The following ADARB1 variants were observed in gnomAD, a reference collection of about 807,000 sequenced individuals.
ADARB1 encodes the protein adenosine deaminase RNA specific B1.
In ADARB1, 10 loss-of-function variants were observed where a neutral mutation model predicts 52.4. The ratio of observed to expected loss-of-function variants is 0.19; its 90% CI spans 0.12 to 0.32. ADARB1 has a LOEUF of 0.32. ADARB1 is among the 10% of genes least tolerant of loss of function. The probability of loss-of-function intolerance (pLI) is 1.00; values close to 1 mark genes in which losing one functional copy is unlikely to be tolerated. For synonymous variants in ADARB1, 349 were observed against 371.1 expected (o/e 0.94, Z 0.68); for missense variants, 643 against 922.3 (o/e 0.70, Z 3.92).
intron 8 of ADARB1, among the ~76,000 whole-genome samples, chr21:45,203,270 C>G (rs972278089): frequency 5.3e-5 from 8 of 152,202 alleles, no homozygotes; most frequent in Non-Finnish European, 1.2e-4. Flanking sequence ...ACATGCGTTC[C>G]TCCCTCAGCC....
At position 45,180,399 on chromosome 21, in the gene ADARB1, C is replaced by T. The variant is rs2091888122; in HGVS notation, c.1033C>T (p.Pro345Ser). The change falls in exon 5 of 11, where the codon CCT becomes TCT. Residue 345 changes from proline (P) to serine (S), a missense_variant. Transcript: ENST00000348831. ...TGACCTGACCGACAACTTCTCCTCC[C>T]CTCACGCTCGCAGAAAAGTGCTGGC... ...FGDLTDNFSS[P>S]HARRKVLAGV... 1.2e-6 allele frequency: 2 copies of T among 1,614,176 alleles called. No homozygotes were observed. The highest frequency in any genetic ancestry group is 1.1e-5 in the South Asian group (1 of 91,074).
chr21:45,166,165 C>T (rs2091247265), intron 2 of ADARB1, among the ~76,000 whole-genome samples: 1 of 152,092 alleles, frequency 6.6e-6, no homozygotes, highest in Non-Finnish European at 1.5e-5. Flanking sequence ...GGTAGGTATG[C>T]TCATTGTCCA....
At position 45,145,665 on chromosome 21, in the gene ADARB1, A is replaced by G. The variant is rs1482140529; in HGVS notation, c.-48+17092A>G. The G allele has an allele frequency of 3.3e-5, 5 of 152,242 alleles. No individual in the cohort carries two copies. The East Asian group carries it at 7.7e-4, about 23-fold the overall frequency. 9.4% of individuals were successfully genotyped at this position (152,242 alleles called of 1,614,324 possible). On this transcript the variant is annotated intron_variant, in intron 2 of 10. Coordinates refer to ENST00000348831, the MANE Select transcript of ADARB1 (RefSeq NM_001112.4). ...AGGACTGGATGCCTAACTGCCACAT[A>G]CAGAATGTGAGAAAGCACAGAACAA...
intron 1 of ADARB1, among the ~76,000 whole-genome samples, chr21:45,086,279 T>C (rs1457967398): frequency 6.6e-6 from 1 of 152,212 alleles, no homozygotes; most frequent in African/African-American, 2.4e-5. Flanking sequence ...CTTTTTAGAA[T>C]GCTCTGGGAA....
chr21:45,133,269 T>C (rs543550416), intron 2 of ADARB1, among the ~76,000 whole-genome samples: 1 of 152,396 alleles, frequency 6.6e-6, no homozygotes, highest in Non-Finnish European at 1.5e-5. Context: ...GCTCAGTTCC[T>C]TGTGACCATA....
At chr21:45,197,659 A>G (rs1367068567) in intron 8 of ADARB1, among the ~76,000 whole-genome samples, 2 of 152,144 alleles carry the variant, frequency 1.3e-5, no homozygotes, top group African/African-American at 4.8e-5. Flanking sequence ...CAAAAACTGG[A>G]AGCAATCCAC....
intron 1 of ADARB1, among the ~76,000 whole-genome samples, chr21:45,083,584 CT>C (rs1309771282): frequency 6.6e-6 from 1 of 152,178 alleles, no homozygotes; most frequent in African/African-American, 2.4e-5. Flanking sequence ...ATAACTACAT[CT>C]TGACAGAAAC....
chr21:45,172,921 T>C lies in ADARB1; in HGVS notation c.28+1237T>C, dbSNP rs2091545570. On this transcript the variant is annotated intron_variant, in intron 3 of 10. Coordinates refer to ENST00000348831, the MANE Select transcript of ADARB1 (RefSeq NM_001112.4). This position sits in a 1 kb window ranked among gnomAD's most constrained non-coding sequence, Gnocchi z 4.4. ...GTTTTTACTGGGCAGTTCTACTCAC[T>C]GTTTCCAAGTTTGTGACAAGTTTTA... 6.6e-6 allele frequency among the ~76,000 whole-genome samples: 1 copy of C among 152,232 alleles called. No individual in the cohort carries two copies. Among genetic ancestry groups the C allele is most frequent in the South Asian group, 2.1e-4 (1 of 4,834 alleles).
At position 45,175,932 on chromosome 21, in the gene ADARB1, C is replaced by T; in HGVS notation, c.231C>T (p.Val77=). ...LKKRRKTPGP[V]LPKNALMQLN... ...AAAGGAGGAAAACACCAGGGCCCGT[C>T]CTCCCCAAGAACGCCCTGATGCAGC... is the stretch of plus-strand genomic sequence containing the variant. Residue 77 remains valine, a synonymous_variant, in exon 4 of 11, where the codon GTC becomes GTT. Transcript: ENST00000348831. 1 of 1,610,272 alleles carries T rather than the reference C, an allele frequency of 6.2e-7. No individual in the cohort carries two copies. The highest frequency in any genetic ancestry group is 1.3e-5 in the African/African-American group (1 of 74,834).
intron 2 of ADARB1, among the ~76,000 whole-genome samples, chr21:45,160,720 T>C (rs2090919844): frequency 6.6e-6 from 1 of 152,280 alleles, no homozygotes; most frequent in Non-Finnish European, 1.5e-5. Flanking sequence ...TGCCTTTTAA[T>C]CATTTCATTA....
chr21:45,139,551 C>A (rs1343648254), intron 2 of ADARB1, among the ~76,000 whole-genome samples: 1 of 152,140 alleles, frequency 6.6e-6, no homozygotes, highest in Non-Finnish European at 1.5e-5. Context: ...TTGGATCCAG[C>A]GGTCGAGCAA....
intron 2 of ADARB1, among the ~76,000 whole-genome samples, chr21:45,147,778 A>C (rs2090079358): frequency 6.6e-6 from 1 of 152,148 alleles, no homozygotes; most frequent in Non-Finnish European, 1.5e-5. Flanking sequence ...ATAGCCATGC[A>C]GGTCAGCAAC....
At position 45,223,830 on chromosome 21, in the gene ADARB1, C is replaced by G. The variant is rs926284730; in HGVS notation, c.*1633C>G. 2 of 985,240 alleles carry G rather than the reference C, an allele frequency of 2.0e-6. No individual in the cohort carries two copies. The highest frequency in any genetic ancestry group is 1.2e-6 in the Non-Finnish European group (1 of 829,966). 61.0% of individuals were successfully genotyped at this position (985,240 alleles called of 1,614,324 possible). A position where few individuals can be genotyped will look rare whatever the true frequency, so the allele number is the denominator to read the frequency against. On this transcript the variant is annotated 3_prime_UTR_variant, in exon 11 of 11. Coordinates refer to ENST00000348831, the MANE Select transcript of ADARB1 (RefSeq NM_001112.4). ...CATCCACGTGTGTCCACACAGATCT[C>G]GTCGCAGCACGGCAGGAAGGGGTGC...
chr21:45,139,933 CTTTTTTT>C (rs200847132), intron 2 of ADARB1, among the ~76,000 whole-genome samples: 40 of 84,962 alleles, frequency 4.7e-4, no homozygotes, highest in Middle Eastern at 7.8e-3. Context: ...CAATAAAACT[CTTTTTTT>C]TTTTTTTTTT....
intron 4 of ADARB1, among the ~76,000 whole-genome samples, chr21:45,179,324 C>T (rs2091834998): frequency 6.6e-6 from 1 of 152,224 alleles, no homozygotes; most frequent in South Asian, 2.1e-4. Context: ...AGAAAAACAT[C>T]CTGACAACTA....
At chr21:45,134,837 G>C (rs1249036682) in intron 2 of ADARB1, 2 of 534,200 alleles carry the variant, frequency 3.7e-6, no homozygotes, top group South Asian at 2.8e-5. Flanking sequence ...AGCCAGGTCA[G>C]TGGGTGATGG....
chr21:45,157,514 T>C lies in ADARB1; in HGVS notation c.-47-14096T>C, dbSNP rs894159043. Among the ~76,000 whole-genome samples, 1 of 152,146 alleles carries C rather than the reference T, an allele frequency of 6.6e-6. No homozygotes were observed. Among genetic ancestry groups the C allele is most frequent in the African/African-American group, 2.4e-5 (1 of 41,428 alleles). The stretch of plus-strand genomic sequence containing the variant: ...GCAACTTCACGAAGGCAGGGCCCTG[T>C]GAAGGTTTGTGCTCTCGTGTGCCGG... On this transcript the variant is annotated intron_variant, in intron 2 of 10. Coordinates refer to ENST00000348831, the MANE Select transcript of ADARB1 (RefSeq NM_001112.4). The surrounding 1 kb of genome is among the most constrained non-coding windows in gnomAD (Gnocchi z 4.1).
At chr21:45,093,001 A>T (rs1371084253) in intron 1 of ADARB1, among the ~76,000 whole-genome samples, 1 of 152,170 alleles carries the variant, frequency 6.6e-6, no homozygotes, top group Non-Finnish European at 1.5e-5. Context: ...TCTATAGCCA[A>T]CAGGGTAATC....
chr21:45,136,089 G>A (rs1026288358), intron 2 of ADARB1, among the ~76,000 whole-genome samples: 4 of 152,148 alleles, frequency 2.6e-5, no homozygotes, highest in South Asian at 2.1e-4. Flanking sequence ...CAGAGGGATC[G>A]GAGGGAGGGG....
Sources: gnomAD v4.1 joint callset for allele counts (sites outside exome capture counted in the v4.1 genomes callset) on GRCh38, gnomAD v4.1.1 for gene constraint, Gnocchi (gnomAD v3.1) non-coding constraint, MANE v1.5 for transcripts, NCBI Gene and HGNC (gene_info 2026-07-23, HGNC 2026-07-21) for gene names.